The following TSPAN9 variants were observed in gnomAD, a reference collection of about 807,000 sequenced individuals.
The protein encoded by TSPAN9 is tetraspanin-9.
Under a neutral mutation model 31.0 loss-of-function variants are expected in TSPAN9, and 16 were observed. The observed-to-expected ratio is 0.52, with a 90% CI of 0.35 to 0.78. TSPAN9 has a LOEUF of 0.78. Among genes scored for constraint, TSPAN9 ranks in the 30% least tolerant of loss-of-function variants. The pLI, the probability that TSPAN9 is intolerant of heterozygous loss-of-function variation, is 0.01. For synonymous variants in TSPAN9, 145 were observed against 121.6 expected (o/e 1.19, Z -1.27); for missense variants, 272 against 312.5 (o/e 0.87, Z 0.98).
chr12:3,223,162 G>A (rs887763438), intron 3 of TSPAN9, among the ~76,000 whole-genome samples: 2 of 152,234 alleles, frequency 1.3e-5, no homozygotes, highest in Admixed American at 6.5e-5. Flanking sequence ...GTGCTAGGTC[G>A]GCTTTAAAAT....
chr12:3,142,699 G>A (rs1171889128), intron 2 of TSPAN9, among the ~76,000 whole-genome samples: 1 of 152,192 alleles, frequency 6.6e-6, no homozygotes, highest in Non-Finnish European at 1.5e-5. Context: ...TGCCTGCGGT[G>A]CGTATCTCCC....
At chr12:3,105,431 T>TA (rs35039490) in intron 2 of TSPAN9, among the ~76,000 whole-genome samples, 47,241 of 134,344 alleles carry the variant, frequency 0.35, 9,413 homozygotes, top group South Asian at 0.52. Flanking sequence ...TTCCTTGTCT[T>TA]AAAAAAAAAA....
At chr12:3,159,183 G>C (rs746932350) in intron 2 of TSPAN9, among the ~76,000 whole-genome samples, 1 of 151,172 alleles carries the variant, frequency 6.6e-6, no homozygotes, top group Non-Finnish European at 1.5e-5. Context: ...CGGAGGCTAC[G>C]GCAACAGGAG....
At chr12:3,201,342 C>CAGAGAGCAG in intron 3 of TSPAN9, 86 bp downstream of exon 3, 1 of 1,309,956 alleles carries the variant, frequency 7.6e-7, no homozygotes, top group Non-Finnish European at 1.1e-6. Context: ...CTCTTCTGTG[C>CAGAGAGCAG]TGCATTGCTC....
intron 2 of TSPAN9, among the ~76,000 whole-genome samples, chr12:3,142,367 G>T (rs1458260935): frequency 6.6e-6 from 1 of 152,048 alleles, no homozygotes; most frequent in African/African-American, 2.4e-5. Flanking sequence ...TGGGGCTCAC[G>T]TTGGCCCCTC....
intron 2 of TSPAN9, among the ~76,000 whole-genome samples, chr12:3,167,516 T>C (rs570192200): frequency 1.3e-5 from 2 of 152,326 alleles, no homozygotes; most frequent in East Asian, 3.9e-4. Flanking sequence ...ATGATTAGGA[T>C]GGTGCTTGGT....
intron 2 of TSPAN9, among the ~76,000 whole-genome samples, chr12:3,198,081 C>T (rs1389946317): frequency 1.1e-5 from 1 of 92,846 alleles, no homozygotes. Context: ...CAGCACAGGT[C>T]ACCACCAGCA....
intron 2 of TSPAN9, among the ~76,000 whole-genome samples, chr12:3,196,163 C>T (rs994241262): frequency 1.4e-4 from 21 of 152,296 alleles, no homozygotes; most frequent in East Asian, 1.4e-3. Context: ...GGAGGAGGGA[C>T]GTGTTCCTAG....
At chr12:3,125,971 C>A (rs7314280) in intron 2 of TSPAN9, among the ~76,000 whole-genome samples, 20,747 of 152,172 alleles carry the variant, frequency 0.14, 1,746 homozygotes, top group Middle Eastern at 0.22. Flanking sequence ...GCAATATTCC[C>A]TCCCAACAAT....
At position 3,111,188 on chromosome 12, in the gene TSPAN9, T is replaced by C. The variant is rs114789775; in HGVS notation, c.-18+27469T>C. 4.2e-3 allele frequency among the ~76,000 whole-genome samples: 634 copies of C among 152,314 alleles called. 2 individuals are homozygous for C. Among genetic ancestry groups the C allele is most frequent in the African/African-American group, 0.014 (586 of 41,566 alleles). On this transcript the variant is annotated intron_variant, in intron 2 of 8. Coordinates refer to ENST00000011898, the MANE Select transcript of TSPAN9 (RefSeq NM_006675.5). The stretch of plus-strand genomic sequence containing the variant: ...TCACTTTTCTGGGCCAGAATACCTT[T>C]CTTCTGCTCCTCCTCTGAATTCTTG...
At chr12:3,264,509 G>A (rs773339252) in intron 3 of TSPAN9, among the ~76,000 whole-genome samples, 3 of 152,192 alleles carry the variant, frequency 2.0e-5, no homozygotes, top group Admixed American at 6.5e-5. Flanking sequence ...CCGGCAGGAC[G>A]GCAGAGGGAG....
At position 3,246,660 on chromosome 12, in the gene TSPAN9, T is replaced by C. The variant is rs12302720; in HGVS notation, c.64-31761T>C. ...AGTGTGCCTACATCCCTCCTGACCA[T>C]GACACTCCCATTCCTGGGCCTAATA... is the stretch of plus-strand genomic sequence containing the variant. On this transcript the variant is annotated intron_variant, in intron 3 of 8. Coordinates refer to ENST00000011898, the MANE Select transcript of TSPAN9 (RefSeq NM_006675.5). Among the ~76,000 whole-genome samples the C allele has an allele frequency of 8.2e-3, 1,246 of 152,352 alleles. 20 individuals carry two copies. Among genetic ancestry groups the C allele is most frequent in the African/African-American group, 0.029 (1,190 of 41,588 alleles).
At chr12:3,223,653 C>T (rs1323921501) in intron 3 of TSPAN9, among the ~76,000 whole-genome samples, 1 of 152,244 alleles carries the variant, frequency 6.6e-6, no homozygotes, top group Non-Finnish European at 1.5e-5. Flanking sequence ...GCCTCTCCAG[C>T]AGTCCCTGCA....
chr12:3,201,984 G>A (rs2153973097), intron 3 of TSPAN9, among the ~76,000 whole-genome samples: 1 of 152,320 alleles, frequency 6.6e-6, no homozygotes, highest in African/African-American at 2.4e-5. Flanking sequence ...AGCCCCAGTG[G>A]CCGGAAGGGA....
chr12:3,090,818 C>T (rs1007760521), intron 2 of TSPAN9, among the ~76,000 whole-genome samples: 1 of 152,106 alleles, frequency 6.6e-6, no homozygotes. Flanking sequence ...GGAATAGACC[C>T]CACCGATCTT....
intron 3 of TSPAN9, among the ~76,000 whole-genome samples, chr12:3,259,412 C>T (rs948871515): frequency 3.3e-5 from 5 of 151,952 alleles, no homozygotes; most frequent in Admixed American, 3.3e-4. Context: ...TGGTCTCCTC[C>T]CTCCCTCCAT....
chr12:3,180,948 C>T (rs138963382), intron 2 of TSPAN9, among the ~76,000 whole-genome samples: 59 of 151,644 alleles, frequency 3.9e-4, no homozygotes, highest in Non-Finnish European at 5.7e-4. Flanking sequence ...CTAGAGGTAC[C>T]GCACGGCTCA....
chr12:3,272,206 G>T (rs931734555), intron 3 of TSPAN9, among the ~76,000 whole-genome samples: 1 of 152,202 alleles, frequency 6.6e-6, no homozygotes, highest in Non-Finnish European at 1.5e-5. Context: ...ACATGAGGCA[G>T]TGGGGATTAA....
intron 2 of TSPAN9, among the ~76,000 whole-genome samples, chr12:3,087,348 A>G (rs962119077): frequency 6.6e-6 from 1 of 151,630 alleles, no homozygotes; most frequent in African/African-American, 2.4e-5. Flanking sequence ...TCTAATAAGA[A>G]TAGAAAAAAA....
Sources: gnomAD v4.1 joint callset for allele counts (sites outside exome capture counted in the v4.1 genomes callset) on GRCh38, gnomAD v4.1.1 for gene constraint, MANE v1.5 for transcripts, NCBI Gene and HGNC (gene_info 2026-07-23, HGNC 2026-07-21) for gene names.